The following PCDH9 variants were observed in gnomAD, a reference collection of about 807,000 sequenced individuals.
PCDH9 encodes protocadherin-9.
PCDH9 carries 24 observed loss-of-function variants against 70.6 expected under a neutral mutation model. That is an observed-to-expected ratio of 0.34 (90% CI 0.25 to 0.48). The LOEUF is 0.48. Ranked by LOEUF, PCDH9 falls within the 20% of genes least tolerant of loss-of-function variation. PCDH9 has a pLI of 0.99. For synonymous variants in PCDH9, 562 were observed against 558.5 expected (o/e 1.01, Z -0.09); for missense variants, 1,281 against 1,503.6 (o/e 0.85, Z 2.45).
intron 2 of PCDH9, among the ~76,000 whole-genome samples, chr13:67,191,212 T>A (rs1289661775): frequency 6.6e-6 from 1 of 152,120 alleles, no homozygotes; most frequent in Non-Finnish European, 1.5e-5. Flanking sequence ...ACAAATATAT[T>A]CTTATCACAT....
intron 4 of PCDH9, among the ~76,000 whole-genome samples, chr13:66,613,074 C>T (rs2077312296): frequency 6.6e-6 from 1 of 152,100 alleles, no homozygotes; most frequent in African/African-American, 2.4e-5. Context: ...GGAAACCATG[C>T]CTCCACCCCA....
chr13:67,091,820 T>C (rs1041421016), intron 2 of PCDH9, among the ~76,000 whole-genome samples: 1 of 152,174 alleles, frequency 6.6e-6, no homozygotes, highest in Non-Finnish European at 1.5e-5. Context: ...TTCCTGATGT[T>C]ATTTATAGTG....
chr13:66,898,791 C>T (rs1212650067), intron 3 of PCDH9, among the ~76,000 whole-genome samples: 1 of 151,916 alleles, frequency 6.6e-6, no homozygotes, highest in East Asian at 1.9e-4. Context: ...GATAATGTTA[C>T]CATTTTGCTC....
At chr13:66,437,354 G>A (rs1385490181) in intron 4 of PCDH9, among the ~76,000 whole-genome samples, 1 of 129,042 alleles carries the variant, frequency 7.7e-6, no homozygotes, top group Non-Finnish European at 1.6e-5. Context: ...TGCGTGAGCC[G>A]AGATCGCTCC....
chr13:66,485,750 A>AC (rs1958928272), intron 4 of PCDH9, among the ~76,000 whole-genome samples: 1 of 150,652 alleles, frequency 6.6e-6, no homozygotes, highest in African/African-American at 2.4e-5. Flanking sequence ...TTTATTTTTT[A>AC]TTTTTTTTGA....
intron 3 of PCDH9, among the ~76,000 whole-genome samples, chr13:66,774,583 A>G (rs982061329): frequency 4.6e-5 from 7 of 152,184 alleles, no homozygotes; most frequent in African/African-American, 1.4e-4. Flanking sequence ...TACTTTTTCT[A>G]TAAAAGAAAC....
At chr13:66,634,598 A>G (rs949514497) in intron 3 of PCDH9, among the ~76,000 whole-genome samples, 1 of 152,176 alleles carries the variant, frequency 6.6e-6, no homozygotes, top group African/African-American at 2.4e-5. Flanking sequence ...GGAAGTGTTG[A>G]AAGGCTAAAA....
chr13:67,058,926 G>GA (rs2085476807), intron 2 of PCDH9, among the ~76,000 whole-genome samples: 1 of 151,994 alleles, frequency 6.6e-6, no homozygotes, highest in South Asian at 2.1e-4. Context: ...AATATTTATT[G>GA]AATAAAGACT....
chr13:66,319,833 G>A lies in PCDH9; in HGVS notation c.3341-14805C>T, dbSNP rs112015139. On this transcript the variant is annotated intron_variant, in intron 4 of 4. Coordinates refer to ENST00000377865, the MANE Select transcript of PCDH9 (RefSeq NM_203487.3). ...TTTGAGAATCACCTGGTATAAAATCGTTACATGTTCTTTAAGATAACCTTC... is the reference window on the plus strand; with the variant it reads ...TTTGAGAATCACCTGGTATAAAATCATTACATGTTCTTTAAGATAACCTTC... Among the ~76,000 whole-genome samples, 1,433 of 152,084 alleles carry A rather than the reference G, an allele frequency of 9.4e-3. 48 individuals are homozygous for A. Among genetic ancestry groups the A allele is most frequent in the African/African-American group, 0.032 (1,339 of 41,394 alleles).
chr13:66,624,694 C>T (rs2077475471), intron 4 of PCDH9, among the ~76,000 whole-genome samples: 1 of 152,192 alleles, frequency 6.6e-6, no homozygotes, highest in South Asian at 2.1e-4. Flanking sequence ...CTTACAAATA[C>T]ACATGTAATT....
chr13:66,800,177 A>G lies in PCDH9; in HGVS notation c.3138+103327T>C, dbSNP rs2139337900. On this transcript the variant is annotated intron_variant, in intron 3 of 4. Transcript: ENST00000377865. ...CAGATGTTGCAATCCCTCTAACCACATAACTCTCTCAGTTCCACCCTTCTA... is the reference window on the plus strand; with the variant it reads ...CAGATGTTGCAATCCCTCTAACCACGTAACTCTCTCAGTTCCACCCTTCTA... 2.6e-5 allele frequency among the ~76,000 whole-genome samples: 4 copies of G among 152,170 alleles called. 1 individual carries two copies. The South Asian group carries it at 8.3e-4, about 32-fold the overall frequency.
intron 3 of PCDH9, among the ~76,000 whole-genome samples, chr13:66,811,606 TCTGCCTGCCTAACCTGCCTTC>T (rs563644875): frequency 0.014 from 1,931 of 140,242 alleles, 56 homozygotes; most frequent in African/African-American, 0.048. Flanking sequence ...TTCCTACCTG[TCTGCCTGCCTAACCTGCCTTC>T]CTGCCTGCCT....
chr13:66,966,114 A>G (rs1280897449), intron 2 of PCDH9, among the ~76,000 whole-genome samples: 1 of 152,106 alleles, frequency 6.6e-6, no homozygotes, highest in East Asian at 1.9e-4. Flanking sequence ...ATTTCTAGAC[A>G]TGGAGATTAG....
intron 2 of PCDH9, among the ~76,000 whole-genome samples, chr13:67,020,947 G>A (rs1329567000): frequency 1.3e-5 from 2 of 152,164 alleles, no homozygotes; most frequent in Admixed American, 1.3e-4. Context: ...TGAGAAAACT[G>A]AGGTTAAACA....
intron 3 of PCDH9, among the ~76,000 whole-genome samples, chr13:66,672,370 G>A (rs1340865300): frequency 6.6e-6 from 1 of 152,186 alleles, no homozygotes; most frequent in East Asian, 1.9e-4. Flanking sequence ...TTGAGGTTTG[G>A]GAATCTCCAT....
chr13:67,134,282 G>T (rs1334545741), intron 2 of PCDH9, among the ~76,000 whole-genome samples: 1 of 152,022 alleles, frequency 6.6e-6, no homozygotes, highest in East Asian at 1.9e-4. Flanking sequence ...ACTCCCTGAG[G>T]TTTTTAGATA....
At chr13:66,311,881 T>C (rs1256620729) in intron 4 of PCDH9, among the ~76,000 whole-genome samples, 1 of 152,198 alleles carries the variant, frequency 6.6e-6, no homozygotes, top group Non-Finnish European at 1.5e-5. Flanking sequence ...TGAAATCATA[T>C]AGAACAGTTA....
intron 4 of PCDH9, among the ~76,000 whole-genome samples, chr13:66,497,654 A>G (rs1337318793): frequency 1.3e-5 from 2 of 152,144 alleles, no homozygotes; most frequent in African/African-American, 4.8e-5. Context: ...AAAAGATATT[A>G]GGAGACATTT....
At chr13:66,856,452 C>T (rs2081396263) in intron 3 of PCDH9, among the ~76,000 whole-genome samples, 1 of 151,914 alleles carries the variant, frequency 6.6e-6, no homozygotes, top group Non-Finnish European at 1.5e-5. Context: ...CAATAAATAA[C>T]TTATTTTGAA....
Sources: allele counts gnomAD v4.1 joint callset (sites outside exome capture counted in the v4.1 genomes callset), GRCh38; gene constraint gnomAD v4.1.1; transcripts MANE v1.5; gene names NCBI Gene and HGNC (gene_info 2026-07-23, HGNC 2026-07-21).